The following ABCA2 variants were observed in gnomAD, a reference collection of about 807,000 sequenced individuals.
ABCA2 encodes the protein ATP binding cassette subfamily A member 2.
A neutral mutation model predicts 262.8 loss-of-function variants in ABCA2; 84 were observed. The observed-to-expected ratio is 0.32, with a 90% CI of 0.27 to 0.38. The LOEUF (loss-of-function observed/expected upper bound fraction) is 0.38. Ranked by LOEUF, ABCA2 falls within the 10% of genes least tolerant of loss-of-function variation. The pLI is 1.00. For synonymous variants in ABCA2, 1,696 were observed against 1,502.9 expected (o/e 1.13, Z -2.97); for missense variants, 2,662 against 3,405.9 (o/e 0.78, Z 5.44).
At chr9:137,022,082 TG>T (rs1183518620) in intron 6 of ABCA2, 81 bp from the exon 7 acceptor site, 31 of 268,160 alleles carry the variant, frequency 1.2e-4, no homozygotes, top group East Asian at 1.6e-4. Context: ...GATGGACGTG[TG>T]GGGGCGTGGC....
chr9:137,025,552 A>T (rs771925758), intron 1 of ABCA2, among the ~76,000 whole-genome samples: 1 of 152,206 alleles, frequency 6.6e-6, no homozygotes, highest in Non-Finnish European at 1.5e-5. Context: ...GTGGCCAGGA[A>T]CATCATGCTG....
chr9:137,012,929 T>C lies in ABCA2; in HGVS notation c.4868-4A>G, dbSNP rs1831113947. On this transcript the variant is annotated splice_polypyrimidine_tract_variant and splice_region_variant and intron_variant, in intron 30 of 48. Transcript: ENST00000341511. ...GAGGGTGCCGACGTCCACATTTCTG[T>C]GGGCACAGCATGGTGCGGTGAGAAG... 6.6e-7 allele frequency: 1 copy of C among 1,505,928 alleles called. No individual in the cohort carries two copies. The highest frequency in any genetic ancestry group is 1.3e-5 in the South Asian group (1 of 78,014). The allele number at this position is 1,505,928 out of a possible 1,614,324, so 93.3% of individuals were successfully genotyped here.
At position 137,024,135 on chromosome 9, in the gene ABCA2, G is replaced by A. The variant is rs760033584; in HGVS notation, c.160+8C>T. 17 of 1,604,126 alleles carry A rather than the reference G, an allele frequency of 1.1e-5. No individual in the cohort carries two copies. Among genetic ancestry groups the A allele is most frequent in the Admixed American group, 3.4e-5 (2 of 58,348 alleles). On this transcript the variant is annotated splice_region_variant and intron_variant, in intron 2 of 48. Coordinates refer to ENST00000341511, the MANE Select transcript of ABCA2 (RefSeq NM_001606.5). ...CCGGCTGTGCCTGGGGCCTCCTGCC[G>A]CACTCACCTTCCTTCACGGAGATGG...
intron 1 of ABCA2, among the ~76,000 whole-genome samples, chr9:137,026,922 G>T (rs1403049577): frequency 6.6e-6 from 1 of 152,252 alleles, no homozygotes; most frequent in African/African-American, 2.4e-5. Context: ...CCTGGCCAGG[G>T]CATGTACCTA....
At position 137,007,771 on chromosome 9, in the gene ABCA2, G is replaced by T; in HGVS notation, c.*158C>A. On this transcript the variant is annotated 3_prime_UTR_variant, in exon 49 of 49. Coordinates refer to ENST00000341511, the MANE Select transcript of ABCA2 (RefSeq NM_001606.5). ...GGCAACCGCAGTGACCACAGGGCAT[G>T]GCCGAGTACAGGGGCTGGAGGACCA... The T allele has an allele frequency of 9.6e-7, 1 of 1,036,486 alleles. No homozygotes were observed. Among genetic ancestry groups the T allele is most frequent in the Non-Finnish European group, 1.4e-6 (1 of 703,444 alleles). The allele number at this position is 1,036,486 out of a possible 1,614,324, so 64.2% of individuals were successfully genotyped here.
In ABCA2 at chr9:137,010,190, C is replaced by T; in HGVS notation, c.6353+3G>A. ...CCCCGCCCACCCAGGGCTCCCGCCC[C>T]ACCTGTGTCCATTGACGAAGGCCTC... On this transcript the variant is annotated splice_donor_region_variant and intron_variant, in intron 41 of 48. Coordinates refer to ENST00000341511, the MANE Select transcript of ABCA2 (RefSeq NM_001606.5). The T allele has an allele frequency of 1.2e-6, 2 of 1,601,042 alleles. No individual in the cohort carries two copies. Among genetic ancestry groups the T allele is most frequent in the Non-Finnish European group, 1.7e-6 (2 of 1,177,886 alleles).
At chr9:137,014,466 C>G (rs933881632) in intron 26 of ABCA2, 62 bp from the exon 27 acceptor site, 91 of 1,506,964 alleles carry the variant, frequency 6.0e-5, no homozygotes, top group African/African-American at 9.7e-5. Context: ...CTGCCCAGGA[C>G]CCCCATCCCC....
Position 137,016,984 on chromosome 9 carries a change from G to A in ABCA2, c.2694C>T (p.Thr898=). The A allele has an allele frequency of 1.9e-6, 3 of 1,612,792 alleles. No homozygotes were observed. Among genetic ancestry groups the A allele is most frequent in the East Asian group, 2.2e-5 (1 of 44,872 alleles). The change falls in exon 19 of 49, where the codon ACC becomes ACT. Residue 898 remains threonine (T), a synonymous_variant. Coordinates refer to ENST00000341511, the MANE Select transcript of ABCA2 (RefSeq NM_001606.5). ...AGACCACGGCGTCCACCATCAGCAT[G>A]GTGACAGCCAGGAGCAAGTTGAAGT... The part of the protein sequence containing the change: ...GDDFNLLLAV[T]MLMVDAVVYG...
Position 137,021,905 on chromosome 9 carries a change from G to C in ABCA2, c.664C>G (p.Leu222Val), listed in dbSNP as rs1449979402. The change falls in exon 7 of 49, where the codon CTG (leucine) becomes GTG (valine). Residue 222 changes from leucine to valine, a missense_variant. Leu to Val is a conservative substitution (Grantham distance 32). This residue lies in a region of ABCA2 where 403 missense variants were observed against 375.9 expected (regional missense o/e 1.07). Transcript: ENST00000341511. This position sits in a 1 kb window ranked among gnomAD's most constrained non-coding sequence, Gnocchi z 6.0. ...GATGCCCTCACCTCCATCCGGAACA[G>C]GGGATTGCCCCCTAGGCGGCTCCAG... ...EPWSRLGGNP[L>V]FRMEELLLAP... is the part of the protein sequence containing the mutation. 5.6e-6 allele frequency: 9 copies of C among 1,599,232 alleles called. No homozygotes were observed. In the Admixed American group the frequency reaches 1.6e-4, roughly 28 times the overall value.
chr9:137,026,228 G>A (rs1035960586), intron 1 of ABCA2, among the ~76,000 whole-genome samples: 10 of 152,172 alleles, frequency 6.6e-5, no homozygotes, highest in African/African-American at 2.4e-4. Flanking sequence ...GAGCTTGGAG[G>A]AGCCTGCTAG....
chr9:137,020,523 A>G (rs746677253), intron 9 of ABCA2, 28 bp from the exon 10 acceptor site: 12 of 1,562,832 alleles, frequency 7.7e-6, no homozygotes, highest in Middle Eastern at 1.9e-4. Flanking sequence ...GGGCCGGGCC[A>G]GGCCGTTAGG....
rs762371802 is a variant in ABCA2 at position 137,013,268 on chromosome 9, C to T, written c.4601G>A (p.Arg1534Gln). The change falls in exon 30 of 49, where the codon CGG becomes CAG. Residue 1534 changes from arginine to glutamine, a missense_variant. Physicochemically the swap from Arg to Gln is conservative, Grantham distance 43. Around this residue, in one of 12 missense-constraint regions of ABCA2, gnomAD observed 192 missense variants for 207.2 expected, o/e 0.93. Transcript: ENST00000341511. ...ASPQQLVSTF[R>Q]LPSGVGATCV... is the part of the protein sequence containing the mutation. The stretch of plus-strand genomic sequence containing the variant: ...GGTGGCACCCACCCCCGACGGCAGC[C>T]GGAACGTGCTCACGAGCTGCTGGGG... 2.6e-5 allele frequency: 41 copies of T among 1,589,670 alleles called. No individual in the cohort carries two copies. The highest frequency in any genetic ancestry group is 3.4e-5 in the Admixed American group (2 of 59,040).
rs1438382303 is a variant in ABCA2 at position 137,015,448 on chromosome 9, C to A, written c.3663G>T (p.Leu1221=). ...CCCCCGGCTCGGCGGGCCGCTTGAC[C>A]AGCGTGAGGCGGTACCCGTCGCCAT... ...GTYGDGYRLT[L]VKRPAEPGGP... The change falls in exon 24 of 49, where the codon CTG becomes CTT. Residue 1221 remains leucine (L), a synonymous_variant. Coordinates refer to ENST00000341511, the MANE Select transcript of ABCA2 (RefSeq NM_001606.5). The A allele has an allele frequency of 1.3e-6, 2 of 1,579,020 alleles. No individual in the cohort carries two copies. Among genetic ancestry groups the A allele is most frequent in the African/African-American group, 1.3e-5 (1 of 74,104 alleles).
chr9:137,023,493 A>G (rs1332979077), intron 3 of ABCA2: 2 of 736,948 alleles, frequency 2.7e-6, no homozygotes, highest in African/African-American at 3.4e-5. Flanking sequence ...ATGAAGGGAG[A>G]GTAGCCAGGC....
chr9:137,020,673 A>G (rs200441220), intron 9 of ABCA2, 21 bp downstream of exon 9: 2 of 1,597,242 alleles, frequency 1.3e-6, no homozygotes, highest in Admixed American at 3.3e-5. Flanking sequence ...CCTCACCCCC[A>G]TTCCCCTGCC....
intron 22 of ABCA2, 31 bp downstream of exon 22, chr9:137,015,931 A>G: frequency 2.4e-6 from 1 of 414,412 alleles, no homozygotes. Context: ...GCCTCCGCCC[A>G]CCTGCCCCGC....
At position 137,010,196 on chromosome 9, in the gene ABCA2, T is replaced by C; in HGVS notation, c.6350A>G (p.His2117Arg). 6.2e-7 allele frequency: 1 copy of C among 1,602,000 alleles called. No homozygotes were observed. The highest frequency in any genetic ancestry group is 8.5e-7 in the Non-Finnish European group (1 of 1,178,090). The change falls in exon 41 of 49, where the codon CAC (histidine) becomes CGC (arginine). Residue 2117 changes from histidine (H) to arginine (R), a missense_variant. Physicochemically the swap from His to Arg is conservative, Grantham distance 29. Transcript: ENST00000341511. ...CCACCCAGGGCTCCCGCCCCACCTG[T>C]GTCCATTGACGAAGGCCTCGCCCCC... The part of the protein sequence containing the change: ...TTGGEAFVNG[H>R]SVLKELLQVQ...
At position 137,010,408 on chromosome 9, in the gene ABCA2, C is replaced by T. The variant is rs1208265372; in HGVS notation, c.6175-37G>A. On this transcript the variant is annotated intron_variant, in intron 40 of 48. Transcript: ENST00000341511. ...CCTGCCCACTCAGCGGGGCATCCTG[C>T]CCCCACCCTGCCCCTCTGGCCCCAC... The T allele has an allele frequency of 9.7e-6, 15 of 1,546,110 alleles. No homozygotes were observed. The South Asian group carries it at 1.7e-4, about 17-fold the overall frequency.
intron 45 of ABCA2, 44 bp downstream of exon 45, chr9:137,009,326 C>T: frequency 1.9e-6 from 2 of 1,068,938 alleles, no homozygotes; most frequent in Non-Finnish European, 2.7e-6. Flanking sequence ...TGGCCGCCCC[C>T]CCCGGGCCCG....
Sources: allele counts gnomAD v4.1 joint callset (sites outside exome capture counted in the v4.1 genomes callset), GRCh38; gene constraint gnomAD v4.1.1; regional missense constraint gnomAD v4.1.1; non-coding constraint Gnocchi (gnomAD v3.1); transcripts MANE v1.5; gene names NCBI Gene and HGNC (gene_info 2026-07-23, HGNC 2026-07-21).